UTRN: variants seen among roughly 807,000 people sequenced by gnomAD.
The protein encoded by UTRN is dystrophin-related protein 1.
In UTRN, 283 loss-of-function variants were observed where a neutral mutation model predicts 463.9. That is an observed-to-expected ratio of 0.61 (90% confidence interval 0.55 to 0.67). The LOEUF (loss-of-function observed/expected upper bound fraction) is 0.67, where lower values mean the gene tolerates loss of function less well. Ranked by LOEUF, UTRN falls within the 30% of genes least tolerant of loss-of-function variation. The pLI is 0.00. For synonymous variants in UTRN, 1,442 were observed against 1,431.5 expected, an observed-to-expected ratio of 1.01 and a Z score of -0.17; for missense variants, 3,922 against 4,084.3, an observed-to-expected ratio of 0.96 and a Z score of 1.08.
chr6:144,610,794 G>C (rs931917898), intron 51 of UTRN, among the ~76,000 whole-genome samples: 3 of 152,188 alleles, frequency 2.0e-5, no homozygotes, highest in African/African-American at 7.2e-5. Flanking sequence ...AGAATCTCTT[G>C]AACCTTGGAG....
chr6:144,405,205 G>T (rs1281701222), intron 3 of UTRN, among the ~76,000 whole-genome samples: 3 of 152,142 alleles, frequency 2.0e-5, no homozygotes, highest in Non-Finnish European at 4.4e-5. Context: ...TTTTCATCTA[G>T]CAAGAAATCA....
At chr6:144,452,672 G>A (rs957739182) in intron 18 of UTRN, among the ~76,000 whole-genome samples, 1 of 151,872 alleles carries the variant, frequency 6.6e-6, no homozygotes, top group African/African-American at 2.4e-5. Context: ...GGTTGGGCTT[G>A]CCATGGCTCA....
At chr6:144,382,409 T>C (rs948000814) in intron 2 of UTRN, among the ~76,000 whole-genome samples, 6 of 152,232 alleles carry the variant, frequency 3.9e-5, no homozygotes, top group African/African-American at 1.4e-4. Context: ...ACCTGATTCC[T>C]TAAGCCTGGC....
intron 58 of UTRN, among the ~76,000 whole-genome samples, chr6:144,769,033 A>G (rs767061523): frequency 1.3e-5 from 2 of 149,978 alleles, no homozygotes; most frequent in Non-Finnish European, 3.0e-5. Context: ...TTTTAGTAAT[A>G]AAATCATAAT....
chr6:144,487,474 G>A, intron 28 of UTRN, 74 bp from the exon 29 acceptor site: 1 of 1,374,600 alleles, frequency 7.3e-7, no homozygotes, highest in African/African-American at 1.5e-5. Flanking sequence ...TTAACAAATA[G>A]ACATTTTGGG....
At chr6:144,529,746 T>G (rs1450641541) in intron 41 of UTRN, among the ~76,000 whole-genome samples, 1 of 152,078 alleles carries the variant, frequency 6.6e-6, no homozygotes, top group Non-Finnish European at 1.5e-5. Flanking sequence ...AAAGACGATA[T>G]ACACATTATT....
At position 144,548,843 on chromosome 6, in the gene UTRN, T is replaced by G. The variant is rs1474587139; in HGVS notation, c.6799T>G (p.Ser2267Ala). 6.2e-7 allele frequency: 1 copy of G among 1,613,846 alleles called. No homozygotes were observed. Among genetic ancestry groups the G allele is most frequent in the African/African-American group, 1.3e-5 (1 of 75,022 alleles). ...GDVEEINKTV[S>A]RMKITKADLE... ...TGTAGAAGAGATCAATAAGACCGTT[T>G]CCCGAATGAAAGTAGGTGCATAGTG... Residue 2267 changes from serine (S) to alanine (A), a missense_variant, in exon 47 of 75, where the codon TCC (serine) becomes GCC (alanine). Around this residue, in one of 3 missense-constraint regions of UTRN, gnomAD observed 1,309 missense variants for 1,452.6 expected, o/e 0.90. Transcript: ENST00000367545.
At chr6:144,762,418 G>A (rs1020946471) in intron 58 of UTRN, among the ~76,000 whole-genome samples, 6 of 152,160 alleles carry the variant, frequency 3.9e-5, no homozygotes, top group South Asian at 2.1e-4. Flanking sequence ...TACCATAGAC[G>A]GTTACCATTT....
rs75787971 is a variant in UTRN at position 144,715,868 on chromosome 6, G to T, written c.7810-14489G>T. On this transcript the variant is annotated intron_variant, in intron 53 of 74. Transcript: ENST00000367545. Reference sequence around the variant, plus strand: ...AGGGAACATGTCCTTTGGTGTGAATGTTCCTTTTGTCTCTTTATTTCTCAG... The same window carrying T: ...AGGGAACATGTCCTTTGGTGTGAATTTTCCTTTTGTCTCTTTATTTCTCAG... Among the ~76,000 whole-genome samples the T allele has an allele frequency of 4.2e-3, 629 of 150,740 alleles. 29 individuals are homozygous for T. In the East Asian group the frequency reaches 0.09, roughly 22 times the overall value.
At chr6:144,615,958 T>G (rs191344394) in intron 51 of UTRN, among the ~76,000 whole-genome samples, 2 of 152,234 alleles carry the variant, frequency 1.3e-5, no homozygotes, top group Admixed American at 6.5e-5. Flanking sequence ...TAAAAATTTT[T>G]AACCATCACT....
intron 2 of UTRN, among the ~76,000 whole-genome samples, chr6:144,400,555 G>A (rs1344006604): frequency 6.6e-6 from 1 of 152,102 alleles, no homozygotes; most frequent in East Asian, 1.9e-4. Flanking sequence ...AAAAGCCACA[G>A]GCAAATTCTT....
At chr6:144,595,454 T>C (rs1198060013) in intron 51 of UTRN, among the ~76,000 whole-genome samples, 1 of 152,178 alleles carries the variant, frequency 6.6e-6, no homozygotes, top group Non-Finnish European at 1.5e-5. Flanking sequence ...ACTAACCACC[T>C]TAGGTCTTTC....
intron 53 of UTRN, among the ~76,000 whole-genome samples, chr6:144,729,186 T>C (rs1365664468): frequency 6.6e-6 from 1 of 152,186 alleles, no homozygotes; most frequent in Non-Finnish European, 1.5e-5. Flanking sequence ...TTTCTGGATA[T>C]AGAAAATGTA....
At chr6:144,789,051 T>C (rs996907335) in intron 61 of UTRN, 143 bp from the exon 62 acceptor site, 4 of 658,048 alleles carry the variant, frequency 6.1e-6, no homozygotes, top group Non-Finnish European at 1.0e-5. Context: ...ATATTAATTG[T>C]TAAAAGTTAA....
intron 23 of UTRN, among the ~76,000 whole-genome samples, chr6:144,463,108 G>A (rs1037981818): frequency 6.6e-6 from 1 of 152,160 alleles, no homozygotes; most frequent in African/African-American, 2.4e-5. Flanking sequence ...AGAGAAAATT[G>A]CTTAAAAATG....
chr6:144,824,614 C>T (rs71547171), intron 66 of UTRN, among the ~76,000 whole-genome samples: 5,312 of 30,474 alleles, frequency 0.17, 441 homozygotes, highest in East Asian at 0.23. Flanking sequence ...ATATATATAT[C>T]TTTTTTTTTT....
At chr6:144,542,766 T>C (rs771605272) in intron 45 of UTRN, 29 bp from the exon 46 acceptor site, 2 of 1,602,602 alleles carry the variant, frequency 1.2e-6, no homozygotes, top group South Asian at 2.3e-5. Flanking sequence ...CGTAGTATTC[T>C]TCTCTTTCTG....
intron 2 of UTRN, among the ~76,000 whole-genome samples, chr6:144,360,375 G>A (rs1778976821): frequency 6.6e-6 from 1 of 152,054 alleles, no homozygotes. Context: ...GTTTCACCAT[G>A]TTGGCCAGGC....
chr6:144,492,537 G>T (rs1793170199), intron 32 of UTRN, among the ~76,000 whole-genome samples: 1 of 152,150 alleles, frequency 6.6e-6, no homozygotes, highest in Non-Finnish European at 1.5e-5. Context: ...TATATACCCA[G>T]TAATAGGATT....
Sources: gnomAD v4.1 joint callset for allele counts (sites outside exome capture counted in the v4.1 genomes callset) on GRCh38, gnomAD v4.1.1 for gene constraint, gnomAD v4.1.1 regional missense constraint, MANE v1.5 for transcripts, NCBI Gene and HGNC (gene_info 2026-07-23, HGNC 2026-07-21) for gene names.